The following CFAP97 variants were observed in gnomAD, a reference collection of about 807,000 sequenced individuals.
CFAP97 encodes cilia and flagella associated protein 97.
Under a neutral mutation model 43.1 loss-of-function variants are expected in CFAP97, and 36 were observed. The observed-to-expected ratio is 0.84, with a 90% confidence interval of 0.64 to 1.10. The LOEUF (loss-of-function observed/expected upper bound fraction) is 1.10, where lower values mean the gene tolerates loss of function less well. Among genes scored for constraint, CFAP97 ranks in the 50% least tolerant of loss-of-function variants. The pLI, the probability that CFAP97 is intolerant of heterozygous loss-of-function variation, is 0.00. For missense variants in CFAP97, 657 were observed against 620.3 expected, an observed-to-expected ratio of 1.06 and a Z score of -0.63; for synonymous variants, 228 against 225.7, an observed-to-expected ratio of 1.01 and a Z score of -0.09.
At chr4:185,170,114 G>C (rs762157834) in intron 3 of CFAP97, 50 of 1,065,822 alleles carry the variant, frequency 4.7e-5, no homozygotes, top group Admixed American at 8.5e-5. Flanking sequence ...TTGGGAAGCT[G>C]AGGCAGATGG....
rs117650201 is a variant in CFAP97 at position 185,197,487 on chromosome 4, G to A, written c.-16-6275C>T. Among the ~76,000 whole-genome samples the A allele has an allele frequency of 4.0e-3, 606 of 151,640 alleles. 18 individuals are homozygous for A. In the South Asian group the frequency reaches 0.063, roughly 16 times the overall value. On this transcript the variant is annotated intron_variant, in intron 1 of 4. Transcript: ENST00000458385. ...GTCTCCCAGGCTGGAGCGCAGTGGC[G>A]CGTGATCTCGGCTCACCGCAACCTC...
Position 185,162,786 on chromosome 4 carries a change from T to C in CFAP97, c.*12A>G. On this transcript the variant is annotated 3_prime_UTR_variant, in exon 5 of 5. Coordinates refer to ENST00000458385, the MANE Select transcript of CFAP97 (RefSeq NM_020827.3). ...AAAGTTGTGTGAACAATGTTTAAAGTAAAAAAGTGTTTTATAACCAAGCTG... is the reference window on the plus strand; with the variant it reads ...AAAGTTGTGTGAACAATGTTTAAAGCAAAAAAGTGTTTTATAACCAAGCTG... 1 of 1,611,296 alleles carries C rather than the reference T, an allele frequency of 6.2e-7. No individual in the cohort carries two copies. The highest frequency in any genetic ancestry group is 8.5e-7 in the Non-Finnish European group (1 of 1,178,856).
At position 185,159,771 on chromosome 4, in the gene CFAP97, T is replaced by G. The variant is rs1410269222; in HGVS notation, c.*3027A>C. On this transcript the variant is annotated 3_prime_UTR_variant, in exon 5 of 5. Transcript: ENST00000458385. The stretch of plus-strand genomic sequence containing the variant: ...ATCTTAAAAGGATGTTAATTTTAAG[T>G]TTCTTACTAATCTTTCCTCATAGAA... The G allele has an allele frequency of 6.6e-6, 1 of 152,224 alleles. No homozygotes were observed. The highest frequency in any genetic ancestry group is 1.5e-5 in the Non-Finnish European group (1 of 68,036). 9.4% of individuals were successfully genotyped at this position (152,224 alleles called of 1,614,324 possible).
At chr4:185,203,073 G>A (rs1489731392) in intron 1 of CFAP97, among the ~76,000 whole-genome samples, 1 of 152,178 alleles carries the variant, frequency 6.6e-6, no homozygotes, top group African/African-American at 2.4e-5. Flanking sequence ...CATGGCTCAC[G>A]CCTGTAATCC....
intron 1 of CFAP97, among the ~76,000 whole-genome samples, chr4:185,194,002 A>C (rs891041531): frequency 3.3e-5 from 5 of 152,368 alleles, no homozygotes; most frequent in African/African-American, 1.2e-4. Context: ...ACGAGTCAGC[A>C]AACTACCTGT....
chr4:185,182,251 A>G (rs1168913168), intron 2 of CFAP97: 3 of 151,776 alleles, frequency 2.0e-5, no homozygotes, highest in Non-Finnish European at 4.4e-5. Flanking sequence ...TTGATGTCTA[A>G]ACTTCTGTTT....
chr4:185,162,618 T>G lies in CFAP97; in HGVS notation c.*180A>C. On this transcript the variant is annotated 3_prime_UTR_variant, in exon 5 of 5. Coordinates refer to ENST00000458385, the MANE Select transcript of CFAP97 (RefSeq NM_020827.3). ...TATAAATACATCCTCAGGAAACACT[T>G]TTTACATTAAATCGTTTTTTGACAA... 3.1e-6 allele frequency: 2 copies of G among 643,504 alleles called. No individual in the cohort carries two copies. Among genetic ancestry groups the G allele is most frequent in the Non-Finnish European group, 5.2e-6 (2 of 384,152 alleles). 39.9% of individuals were successfully genotyped at this position (643,504 alleles called of 1,614,324 possible). A position where few individuals can be genotyped will look rare whatever the true frequency, so the allele number is the denominator to read the frequency against.
At chr4:185,202,287 A>G (rs981225718) in intron 1 of CFAP97, among the ~76,000 whole-genome samples, 1 of 152,110 alleles carries the variant, frequency 6.6e-6, no homozygotes, top group Non-Finnish European at 1.5e-5. Context: ...CTCATGTTAC[A>G]GTCTCATGCC....
intron 2 of CFAP97, among the ~76,000 whole-genome samples, chr4:185,186,709 A>G (rs1346102600): frequency 1.3e-5 from 2 of 152,202 alleles, no homozygotes; most frequent in African/African-American, 4.8e-5. Flanking sequence ...CATTACTTAC[A>G]TTATATGGCA....
intron 1 of CFAP97, among the ~76,000 whole-genome samples, chr4:185,192,733 C>CTTTTTTTTTTTTTTTTTTTTTT (rs760026667): frequency 4.9e-5 from 4 of 81,420 alleles, no homozygotes; most frequent in African/African-American, 1.6e-4. Context: ...AATTGACCTT[C>CTTTTTTTTTTTTTTTTTTTTTT]TTTTTTTTTT....
chr4:185,170,403 A>G, intron 3 of CFAP97: 1 of 423,692 alleles, frequency 2.4e-6, no homozygotes, highest in Non-Finnish European at 4.2e-6. Flanking sequence ...AGAAGAGGAT[A>G]ATTTTATTTT....
intron 2 of CFAP97, among the ~76,000 whole-genome samples, chr4:185,176,350 T>C (rs964841708): frequency 1.3e-5 from 2 of 152,042 alleles, no homozygotes; most frequent in African/African-American, 4.8e-5. Flanking sequence ...TGACCTCAGG[T>C]GATCCACCCA....
upstream of CFAP97, chr4:185,209,960 C>G (rs1180082863): frequency 2.0e-6 from 2 of 983,474 alleles, no homozygotes; most frequent in Non-Finnish European, 2.4e-6. The surrounding 1 kb of genome is among the most constrained non-coding windows in gnomAD (Gnocchi z 5.2). Context: ...GAGGCAGCAG[C>G]AGCGGCGGCG....
At position 185,164,057 on chromosome 4, in the gene CFAP97, T is replaced by A. The variant is rs536463345; in HGVS notation, c.1443A>T (p.Arg481Ser). ...LNSSPLSRRA[R>S]STLGQYSPLR... Reference sequence around the variant, plus strand: ...ATGGGCTATATTGGCCAAGAGTGGATCTGGCCCGTCTTGACAATGGTGATG... The same window carrying A: ...ATGGGCTATATTGGCCAAGAGTGGAACTGGCCCGTCTTGACAATGGTGATG... The change falls in exon 4 of 5, where the codon AGA becomes AGT. Residue 481 changes from arginine to serine, a missense_variant. Arg to Ser is a moderately radical substitution (Grantham distance 110). Transcript: ENST00000458385. 2 of 1,614,010 alleles carry A rather than the reference T, an allele frequency of 1.2e-6. No homozygotes were observed. Among genetic ancestry groups the A allele is most frequent in the African/African-American group, 2.7e-5 (2 of 75,072 alleles).
chr4:185,189,998 A>G, intron 2 of CFAP97, 145 bp downstream of exon 2: 1 of 573,520 alleles, frequency 1.7e-6, no homozygotes, highest in East Asian at 3.0e-5. Context: ...ATGGTAAAAT[A>G]GAGTATTTGG....
chr4:185,177,181 G>C (rs1456450927), intron 2 of CFAP97, among the ~76,000 whole-genome samples: 3 of 152,202 alleles, frequency 2.0e-5, no homozygotes, highest in Non-Finnish European at 4.4e-5. Context: ...GGGAGGCTGA[G>C]GCAGGTGGAT....
At chr4:185,184,624 T>C (rs546296348) in intron 2 of CFAP97, among the ~76,000 whole-genome samples, 1 of 152,202 alleles carries the variant, frequency 6.6e-6, no homozygotes. Context: ...AGTAGGTCCC[T>C]GATGAAGTTT....
At chr4:185,187,802 G>A (rs1310360900) in intron 2 of CFAP97, among the ~76,000 whole-genome samples, 1 of 151,766 alleles carries the variant, frequency 6.6e-6, no homozygotes, top group Non-Finnish European at 1.5e-5. Flanking sequence ...ATCAGTATTT[G>A]TTTTAAGAGT....
chr4:185,204,708 G>C (rs532896965), upstream of CFAP97, among the ~76,000 whole-genome samples: 25 of 152,294 alleles, frequency 1.6e-4, no homozygotes, highest in African/African-American at 5.8e-4. Flanking sequence ...AATCACAAAG[G>C]TCCTTATAAG....
Sources: gnomAD v4.1 joint callset for allele counts (sites outside exome capture counted in the v4.1 genomes callset) on GRCh38, gnomAD v4.1.1 for gene constraint, Gnocchi (gnomAD v3.1) non-coding constraint, MANE v1.5 for transcripts, NCBI Gene and HGNC (gene_info 2026-07-23, HGNC 2026-07-21) for gene names.